MS4A13: variants seen among roughly 807,000 people sequenced by gnomAD.
MS4A13 encodes the protein membrane spanning 4-domains A13, also known as membrane-spanning 4-domains subfamily A member 13.
In MS4A13, 21 loss-of-function variants were observed where a neutral mutation model predicts 18.4. The observed-to-expected ratio is 1.14, with a 90% CI of 0.81 to 1.64. The LOEUF (loss-of-function observed/expected upper bound fraction) is 1.64. MS4A13 is among the 40% of genes most tolerant of loss of function. The probability of loss-of-function intolerance (pLI) is 0.00; values close to 1 mark genes in which losing one functional copy is unlikely to be tolerated. For synonymous variants in MS4A13, 62 were observed against 57.2 expected (o/e 1.08, Z -0.38); for missense variants, 173 against 176.8 (o/e 0.98, Z 0.12).
intron 3 of MS4A13, 89 bp from the exon 4 acceptor site, chr11:60,523,808 A>T: frequency 2.5e-6 from 2 of 795,444 alleles, no homozygotes; most frequent in Non-Finnish European, 4.2e-6. Flanking sequence ...CATTCTTAAA[A>T]TAATTGACTT....
intron 4 of MS4A13, among the ~76,000 whole-genome samples, chr11:60,524,861 C>T (rs996693780): frequency 5.9e-5 from 9 of 151,892 alleles, no homozygotes; most frequent in Non-Finnish European, 8.8e-5. Context: ...GGGGTTTCAC[C>T]GTGTTAGCCA....
intron 6 of MS4A13, among the ~76,000 whole-genome samples, chr11:60,539,059 G>A (rs1474977518): frequency 7.2e-6 from 1 of 138,250 alleles, no homozygotes; most frequent in Non-Finnish European, 1.5e-5. Context: ...TCTTCTCCTG[G>A]CCCTCCAGAT....
chr11:60,539,225 T>C (rs2086837122), intron 6 of MS4A13, among the ~76,000 whole-genome samples: 1 of 150,392 alleles, frequency 6.6e-6, no homozygotes, highest in Non-Finnish European at 1.5e-5. Context: ...AAAGTAAATA[T>C]GTTTGAAGAA....
intron 1 of MS4A13, 164 bp from the exon 2 acceptor site, chr11:60,515,805 C>T (rs2086633749): frequency 6.6e-6 from 1 of 152,118 alleles, no homozygotes. Flanking sequence ...TTATTCAGAA[C>T]AGATGGATGA....
intron 6 of MS4A13, among the ~76,000 whole-genome samples, chr11:60,538,666 C>A (rs2086831789): frequency 6.6e-6 from 1 of 151,252 alleles, no homozygotes; most frequent in African/African-American, 2.4e-5. Context: ...GGTGTCCCAT[C>A]TATCCTATGA....
At position 60,518,220 on chromosome 11, in the gene MS4A13, G is replaced by T; in HGVS notation, c.129+8G>T. ...ACTTTATGGGGAATTTTTGTGAGTAGAATACATATATATTGCTTTAATCAT... is the reference window on the plus strand; with the variant it reads ...ACTTTATGGGGAATTTTTGTGAGTATAATACATATATATTGCTTTAATCAT... On this transcript the variant is annotated splice_region_variant and intron_variant, in intron 3 of 6. Coordinates refer to ENST00000378186, the MANE Select transcript of MS4A13 (RefSeq NM_001012417.3). 6.2e-7 allele frequency: 1 copy of T among 1,600,940 alleles called. No individual in the cohort carries two copies. The highest frequency in any genetic ancestry group is 1.1e-5 in the South Asian group (1 of 88,916).
chr11:60,528,818 G>A (rs947578601), intron 5 of MS4A13, among the ~76,000 whole-genome samples: 2 of 152,140 alleles, frequency 1.3e-5, no homozygotes, highest in Non-Finnish European at 2.9e-5. Flanking sequence ...TATCCCAGCA[G>A]TCACAATCAC....
chr11:60,521,724 A>G (rs2086674857), intron 3 of MS4A13, among the ~76,000 whole-genome samples: 1 of 152,126 alleles, frequency 6.6e-6, no homozygotes, highest in Non-Finnish European at 1.5e-5. Flanking sequence ...AAGTCCTCCA[A>G]ACTGTCCTAA....
At chr11:60,528,256 A>G (rs1006731071) in intron 5 of MS4A13, among the ~76,000 whole-genome samples, 1 of 152,198 alleles carries the variant, frequency 6.6e-6, no homozygotes, top group Non-Finnish European at 1.5e-5. Context: ...CTGAAACAAG[A>G]TAGGTTACAA....
intron 3 of MS4A13, among the ~76,000 whole-genome samples, chr11:60,522,847 A>G (rs983349166): frequency 2.0e-5 from 3 of 152,196 alleles, no homozygotes; most frequent in South Asian, 2.1e-4. Flanking sequence ...ATCCAAATAA[A>G]TGATGCATTT....
rs750601303 is a variant in MS4A13 at position 60,523,968 on chromosome 11, T to C, written c.186+15T>C. 5 of 1,457,614 alleles carry C rather than the reference T, an allele frequency of 3.4e-6. No homozygotes were observed. The African/African-American group carries it at 6.9e-5, about 20-fold the overall frequency. 90.3% of individuals were successfully genotyped at this position (1,457,614 alleles called of 1,614,324 possible). On this transcript the variant is annotated intron_variant, in intron 4 of 6. Coordinates refer to ENST00000378186, the MANE Select transcript of MS4A13 (RefSeq NM_001012417.3). ...CTCGATCTGGAGTAAGTTGAAATGT[T>C]TGAGGTATCTCTAGAAATCACTTAT...
downstream of MS4A13, among the ~76,000 whole-genome samples, chr11:60,543,000 C>G (rs1329806103): frequency 1.3e-5 from 2 of 152,154 alleles, no homozygotes; most frequent in African/African-American, 4.8e-5. Flanking sequence ...TCTACTTTAA[C>G]TAGCTTCTAT....
intron 3 of MS4A13, among the ~76,000 whole-genome samples, chr11:60,521,954 C>T (rs2086676701): frequency 6.6e-6 from 1 of 152,130 alleles, no homozygotes; most frequent in South Asian, 2.1e-4. Context: ...CAAGGAGGAG[C>T]AAGTCACATC....
intron 6 of MS4A13, 29 bp from the exon 7 acceptor site, chr11:60,542,490 T>C (rs1246614140): frequency 2.6e-6 from 4 of 1,518,560 alleles, no homozygotes; most frequent in Non-Finnish European, 2.7e-6. Flanking sequence ...AAACATGATA[T>C]GATTTGTAAG....
At chr11:60,519,109 T>G (rs1009849815) in intron 3 of MS4A13, among the ~76,000 whole-genome samples, 10 of 152,332 alleles carry the variant, frequency 6.6e-5, no homozygotes, top group Middle Eastern at 6.8e-3. Context: ...TGGATTTTGA[T>G]GCACAAATAG....
intron 6 of MS4A13, among the ~76,000 whole-genome samples, chr11:60,539,563 G>A (rs2135272561): frequency 1.3e-5 from 2 of 152,006 alleles, no homozygotes; most frequent in Admixed American, 1.3e-4. Flanking sequence ...AGAAATAATG[G>A]CTCCCAAATT....
At chr11:60,525,067 AT>A (rs2086704538) in intron 4 of MS4A13, 139 bp from the exon 5 acceptor site, 19 of 561,502 alleles carry the variant, frequency 3.4e-5, no homozygotes, top group Middle Eastern at 5.0e-4. Context: ...TCAGAAAAAT[AT>A]TTTCTTAATA....
At chr11:60,536,289 C>A (rs199888529) in intron 6 of MS4A13, among the ~76,000 whole-genome samples, 128 of 3,098 alleles carry the variant, frequency 0.041, 3 homozygotes, top group Non-Finnish European at 0.2. Context: ...TCGTCTCAGC[C>A]CAAAATCTCC....
intron 3 of MS4A13, among the ~76,000 whole-genome samples, chr11:60,519,683 G>A (rs191803238): frequency 6.6e-6 from 1 of 152,180 alleles, no homozygotes; most frequent in African/African-American, 2.4e-5. Context: ...CATGCAGTAG[G>A]ATAAAAACAA....
Sources: gnomAD v4.1 joint callset for allele counts (sites outside exome capture counted in the v4.1 genomes callset) on GRCh38, gnomAD v4.1.1 for gene constraint, MANE v1.5 for transcripts, NCBI Gene and HGNC (gene_info 2026-07-23, HGNC 2026-07-21) for gene names.